Variants in FSTL4 observed in about 807,000 individuals in gnomAD.
FSTL4 encodes the protein follistatin like 4.
In FSTL4, 28 loss-of-function variants were observed where a neutral mutation model predicts 78.2. That is an observed-to-expected ratio of 0.36 (90% CI 0.27 to 0.49). The LOEUF (loss-of-function observed/expected upper bound fraction) is 0.49. Ranked by LOEUF, FSTL4 falls within the 20% of genes least tolerant of loss-of-function variation. FSTL4 has a pLI of 0.98. For synonymous variants in FSTL4, 422 were observed against 440.5 expected, an observed-to-expected ratio of 0.96 and a Z score of 0.53; for missense variants, 922 against 1,084.9, an observed-to-expected ratio of 0.85 and a Z score of 2.11.
At chr5:133,317,415 G>A (rs907176655) in intron 4 of FSTL4, among the ~76,000 whole-genome samples, 9 of 152,220 alleles carry the variant, frequency 5.9e-5, no homozygotes, top group Admixed American at 1.3e-4. Flanking sequence ...AGTGTCAGCG[G>A]AGAGGGCAGC....
At chr5:133,741,493 G>A in the FSTL4 span, among the ~76,000 whole-genome samples, 1 of 152,236 alleles carries the variant, frequency 6.6e-6, no homozygotes, top group African/African-American at 2.4e-5. Flanking sequence ...TCTCGGCAGA[G>A]GGTGATTCCT....
the FSTL4 span, among the ~76,000 whole-genome samples, chr5:133,724,335 G>A: frequency 6.6e-6 from 1 of 152,214 alleles, no homozygotes; most frequent in African/African-American, 2.4e-5. Flanking sequence ...TGAGGAGATT[G>A]GGTGGCAGAG....
chr5:133,396,433 T>G lies in FSTL4; in HGVS notation c.409+4305A>C, dbSNP rs140290100. Among the ~76,000 whole-genome samples, 53 of 152,238 alleles carry G rather than the reference T, an allele frequency of 3.5e-4. 1 individual carries two copies. The highest frequency in any genetic ancestry group is 1.3e-3 in the African/African-American group (52 of 41,536). On this transcript the variant is annotated intron_variant, in intron 4 of 15. Coordinates refer to ENST00000265342, the MANE Select transcript of FSTL4 (RefSeq NM_015082.2). ...CATCAGCCTGGGCCTCCCTGATGCTTCCACAGGCCCCAGCACCTCTTGCTA... is the reference window on the plus strand; with the variant it reads ...CATCAGCCTGGGCCTCCCTGATGCTGCCACAGGCCCCAGCACCTCTTGCTA...
Position 133,229,250 on chromosome 5 carries a change from C to T in FSTL4, c.1016-3431G>A, listed in dbSNP as rs113824596. ...AAATCAGTTGGTAGGTGCCAGGCAC[C>T]GTGGCTCATGTCTGTAATCCCAGCA... On this transcript the variant is annotated intron_variant, in intron 8 of 15. Coordinates refer to ENST00000265342, the MANE Select transcript of FSTL4 (RefSeq NM_015082.2). 3.5e-3 allele frequency among the ~76,000 whole-genome samples: 526 copies of T among 152,214 alleles called. 3 individuals carry two copies. The highest frequency in any genetic ancestry group is 6.8e-3 in the Middle Eastern group (2 of 294).
intron 3 of FSTL4, among the ~76,000 whole-genome samples, chr5:133,434,801 A>C (rs1331825352): frequency 6.7e-6 from 1 of 148,928 alleles, no homozygotes; most frequent in Non-Finnish European, 1.5e-5. Flanking sequence ...AAAATTGCTG[A>C]TTTCATGGCC....
chr5:133,228,623 A>T (rs548807360), intron 8 of FSTL4, among the ~76,000 whole-genome samples: 1 of 152,354 alleles, frequency 6.6e-6, no homozygotes, highest in Non-Finnish European at 1.5e-5. Context: ...ACCATTAATC[A>T]TTCCAAAGTC....
chr5:133,737,627 C>T, the FSTL4 span, among the ~76,000 whole-genome samples: 17 of 110,014 alleles, frequency 1.5e-4, no homozygotes, highest in East Asian at 3.0e-3. Flanking sequence ...TTTTTTGAGA[C>T]GGAGTCTCAC....
In FSTL4 at chr5:133,538,182, T is replaced by C. The variant is rs189150736; in HGVS notation, c.160+29004A>G. On this transcript the variant is annotated intron_variant, in intron 3 of 15. Coordinates refer to ENST00000265342, the MANE Select transcript of FSTL4 (RefSeq NM_015082.2). ...AGATTGCATTTAGTTGTTATGTCTC[T>C]TTAGTCTCATTTTATCTGGAACAGT... Among the ~76,000 whole-genome samples, 22 of 152,278 alleles carry C rather than the reference T, an allele frequency of 1.4e-4. No homozygotes were observed. In the East Asian group the frequency reaches 4.2e-3, roughly 29 times the overall value.
chr5:133,377,837 T>C (rs1187370216), intron 4 of FSTL4, among the ~76,000 whole-genome samples: 1 of 151,980 alleles, frequency 6.6e-6, no homozygotes, highest in Non-Finnish European at 1.5e-5. Flanking sequence ...GAGATCCAGG[T>C]GCACTCTACT....
At chr5:133,538,734 T>G (rs1759405798) in intron 3 of FSTL4, among the ~76,000 whole-genome samples, 1 of 152,228 alleles carries the variant, frequency 6.6e-6, no homozygotes, top group African/African-American at 2.4e-5. Context: ...GTGTAACCAT[T>G]CAAAAGCCTG....
chr5:133,712,256 G>T, the FSTL4 span, among the ~76,000 whole-genome samples: 22 of 152,180 alleles, frequency 1.4e-4, no homozygotes, highest in Non-Finnish European at 2.6e-4. Context: ...AGGCTCTTGT[G>T]ATCTGAATGC....
chr5:133,567,124 A>T, intron 3 of FSTL4, 62 bp downstream of exon 3: 1 of 1,192,272 alleles, frequency 8.4e-7, no homozygotes, highest in Non-Finnish European at 1.3e-6. Flanking sequence ...TCTTAGTTTC[A>T]GCAAACTACT....
chr5:133,503,674 T>C (rs1464730393), intron 3 of FSTL4, among the ~76,000 whole-genome samples: 1 of 152,232 alleles, frequency 6.6e-6, no homozygotes, highest in African/African-American at 2.4e-5. Context: ...ATCCACATGC[T>C]GATGACTCCC....
chr5:133,494,979 C>T (rs933977053), intron 3 of FSTL4, among the ~76,000 whole-genome samples: 5 of 152,226 alleles, frequency 3.3e-5, no homozygotes, highest in African/African-American at 1.2e-4. Flanking sequence ...AGGCTGTAAA[C>T]AACTGTCTCC....
chr5:133,465,712 C>G (rs982248248), intron 3 of FSTL4, among the ~76,000 whole-genome samples: 1 of 152,218 alleles, frequency 6.6e-6, no homozygotes, highest in Non-Finnish European at 1.5e-5. Flanking sequence ...AGTGGCAGCA[C>G]AGCTGCAGGT....
intron 3 of FSTL4, among the ~76,000 whole-genome samples, chr5:133,503,568 T>C (rs1178543254): frequency 6.6e-6 from 1 of 152,196 alleles, no homozygotes; most frequent in African/African-American, 2.4e-5. Flanking sequence ...AAGAGGTCAG[T>C]GGCTCTGGCT....
chr5:133,529,403 A>G (rs1580768857), intron 3 of FSTL4, among the ~76,000 whole-genome samples: 1 of 152,132 alleles, frequency 6.6e-6, no homozygotes, highest in African/African-American at 2.4e-5. Context: ...TGAGACAAAA[A>G]CCAACCCAGA....
At chr5:133,533,726 T>C (rs972060431) in intron 3 of FSTL4, among the ~76,000 whole-genome samples, 1 of 152,100 alleles carries the variant, frequency 6.6e-6, no homozygotes, top group Middle Eastern at 3.2e-3. Flanking sequence ...CATCCCACAT[T>C]GGAAATGAGT....
the FSTL4 span, among the ~76,000 whole-genome samples, chr5:133,817,628 G>A: frequency 2.0e-5 from 3 of 152,316 alleles, no homozygotes; most frequent in East Asian, 5.8e-4. Context: ...AGAAGAAGAA[G>A]ACAAAGAGCA....
Sources: allele counts gnomAD v4.1 joint callset (sites outside exome capture counted in the v4.1 genomes callset), GRCh38; gene constraint gnomAD v4.1.1; transcripts MANE v1.5; gene names NCBI Gene and HGNC (gene_info 2026-07-23, HGNC 2026-07-21).